The following WWP1 variants were observed in gnomAD, a reference collection of about 807,000 sequenced individuals.
The protein encoded by WWP1 is NEDD4-like E3 ubiquitin-protein ligase WWP1.
WWP1 carries 49 observed loss-of-function variants against 130.6 expected under a neutral mutation model. The observed-to-expected ratio is 0.38, with a 90% CI of 0.30 to 0.48. The LOEUF (loss-of-function observed/expected upper bound fraction) is 0.48. WWP1 is among the 20% of genes least tolerant of loss of function. The pLI is 0.99. For missense variants in WWP1, 809 were observed against 1,100.6 expected (o/e 0.74, Z 3.75); for synonymous variants, 332 against 367.8 (o/e 0.90, Z 1.11).
intron 3 of WWP1, among the ~76,000 whole-genome samples, chr8:86,379,313 T>C (rs1824852095): frequency 6.6e-6 from 1 of 152,206 alleles, no homozygotes; most frequent in African/African-American, 2.4e-5. Flanking sequence ...CTTTAATTGC[T>C]ATGTTGCCGG....
intron 17 of WWP1, among the ~76,000 whole-genome samples, chr8:86,440,108 G>A (rs1470537703): frequency 6.6e-6 from 1 of 152,102 alleles, no homozygotes; most frequent in Non-Finnish European, 1.5e-5. Flanking sequence ...CTCAATTTCA[G>A]AAATGTTCAG....
chr8:86,465,599 G>A (rs1280966380), intron 24 of WWP1, among the ~76,000 whole-genome samples: 1 of 152,096 alleles, frequency 6.6e-6, no homozygotes, highest in Non-Finnish European at 1.5e-5. Context: ...TAGCCTAGGC[G>A]ACACAGCCAG....
intron 5 of WWP1, among the ~76,000 whole-genome samples, chr8:86,397,685 A>C (rs1181586243): frequency 2.0e-5 from 3 of 152,212 alleles, no homozygotes; most frequent in Non-Finnish European, 4.4e-5. Flanking sequence ...TATATAGTCT[A>C]ACATAGAAGT....
intron 5 of WWP1, among the ~76,000 whole-genome samples, chr8:86,384,093 T>C (rs920066047): frequency 1.3e-5 from 2 of 152,190 alleles, no homozygotes; most frequent in Admixed American, 1.3e-4. Context: ...CCTCTGTATA[T>C]GTGTCTGCGT....
At chr8:86,362,279 T>C (rs1823713455) in intron 1 of WWP1, among the ~76,000 whole-genome samples, 2 of 147,714 alleles carry the variant, frequency 1.4e-5, no homozygotes. Flanking sequence ...TTTTTTTTTT[T>C]CACATGGTAA....
intron 5 of WWP1, among the ~76,000 whole-genome samples, chr8:86,394,933 T>TTAA (rs35717018): frequency 9.2e-5 from 7 of 76,412 alleles, no homozygotes; most frequent in Non-Finnish European, 2.4e-5. Flanking sequence ...CTGTTCTTCT[T>TTAA]AAAAAAAAAA....
intron 24 of WWP1, among the ~76,000 whole-genome samples, chr8:86,464,596 G>C (rs993154254): frequency 6.6e-6 from 1 of 151,990 alleles, no homozygotes; most frequent in Non-Finnish European, 1.5e-5. Flanking sequence ...ACTCACTGCA[G>C]CCTCAACCTC....
At chr8:86,423,980 T>C (rs1330914746) in intron 9 of WWP1, among the ~76,000 whole-genome samples, 14 of 3,356 alleles carry the variant, frequency 4.2e-3, no homozygotes, top group Non-Finnish European at 9.1e-3. Context: ...TTAGCGCTTA[T>C]GGGGCTGCCC....
intron 5 of WWP1, among the ~76,000 whole-genome samples, chr8:86,389,934 C>A (rs553560842): frequency 6.6e-6 from 1 of 151,624 alleles, no homozygotes; most frequent in East Asian, 1.9e-4. Flanking sequence ...CCTCACTTCC[C>A]GGACGGGGCG....
Position 86,374,134 on chromosome 8 carries a change from A to G in WWP1, c.70+14A>G, listed in dbSNP as rs964730267. 7 of 1,591,402 alleles carry G rather than the reference A, an allele frequency of 4.4e-6. No individual in the cohort carries two copies. In the African/African-American group the frequency reaches 8.1e-5, roughly 18 times the overall value. On this transcript the variant is annotated intron_variant, in intron 3 of 24. Coordinates refer to ENST00000517970, the MANE Select transcript of WWP1 (RefSeq NM_007013.4). Reference sequence around the variant, plus strand: ...TACAGGTAACTGGTAAGTTATTTTTATATTTAATATGGTGATTCCCTGATG... The same window carrying G: ...TACAGGTAACTGGTAAGTTATTTTTGTATTTAATATGGTGATTCCCTGATG...
At chr8:86,403,659 C>T (rs2130518325) in intron 8 of WWP1, among the ~76,000 whole-genome samples, 1 of 151,820 alleles carries the variant, frequency 6.6e-6, no homozygotes, top group African/African-American at 2.4e-5. Flanking sequence ...TTACCAAGAG[C>T]TGTCTGAGAG....
chr8:86,402,319 T>C, intron 8 of WWP1, 116 bp downstream of exon 8: 2 of 1,298,040 alleles, frequency 1.5e-6, no homozygotes, highest in Non-Finnish European at 1.0e-6. Context: ...GGAGTCTCGC[T>C]CTGTCACCCA....
At chr8:86,379,975 G>A (rs1045433911) in intron 3 of WWP1, among the ~76,000 whole-genome samples, 4 of 152,112 alleles carry the variant, frequency 2.6e-5, no homozygotes, top group African/African-American at 7.2e-5. Flanking sequence ...TCAACAGAGG[G>A]TTATCACATG....
At chr8:86,415,650 C>T (rs1808847090) in intron 9 of WWP1, among the ~76,000 whole-genome samples, 1 of 152,158 alleles carries the variant, frequency 6.6e-6, no homozygotes, top group South Asian at 2.1e-4. Context: ...ACATTAATAT[C>T]ACCCTAGAAA....
At chr8:86,372,644 C>A (rs1298815202) in intron 2 of WWP1, among the ~76,000 whole-genome samples, 2 of 151,936 alleles carry the variant, frequency 1.3e-5, no homozygotes, top group Admixed American at 6.6e-5. Flanking sequence ...ATTTTTTTTC[C>A]ATATGGATAA....
At chr8:86,357,972 T>G (rs945615662) in intron 1 of WWP1, among the ~76,000 whole-genome samples, 5 of 152,190 alleles carry the variant, frequency 3.3e-5, no homozygotes, top group Admixed American at 2.0e-4. Context: ...AAATTTGTGT[T>G]GTATTCCAAG....
At chr8:86,427,563 T>A in intron 10 of WWP1, 80 bp from the exon 11 acceptor site, 2 of 1,417,956 alleles carry the variant, frequency 1.4e-6, no homozygotes, top group Non-Finnish European at 1.9e-6. Context: ...GAACTTGATA[T>A]TTAAATTGAG....
chr8:86,377,459 G>A (rs981152162), intron 3 of WWP1, among the ~76,000 whole-genome samples: 4 of 151,898 alleles, frequency 2.6e-5, no homozygotes, highest in African/African-American at 9.7e-5. Flanking sequence ...TTGCAGTCTG[G>A]CTGTTTATTG....
At chr8:86,420,449 T>TGA (rs1809139444) in intron 9 of WWP1, among the ~76,000 whole-genome samples, 1 of 152,164 alleles carries the variant, frequency 6.6e-6, no homozygotes, top group African/African-American at 2.4e-5. Flanking sequence ...ATAGTCATAA[T>TGA]GATAACTGTA....
Sources: allele counts gnomAD v4.1 joint callset (sites outside exome capture counted in the v4.1 genomes callset), GRCh38; gene constraint gnomAD v4.1.1; transcripts MANE v1.5; gene names NCBI Gene and HGNC (gene_info 2026-07-23, HGNC 2026-07-21).